Variants in VPS13B observed in about 807,000 individuals in gnomAD.
The protein encoded by VPS13B is intermembrane lipid transfer protein VPS13B.
Under a neutral mutation model 426.4 loss-of-function variants are expected in VPS13B, and 285 were observed. That is an observed-to-expected ratio of 0.67 (90% confidence interval 0.61 to 0.74). The LOEUF (loss-of-function observed/expected upper bound fraction) is 0.74. VPS13B is among the 30% of genes least tolerant of loss of function. VPS13B has a pLI of 0.00. For synonymous variants in VPS13B, 1,676 were observed against 1,676.4 expected, an observed-to-expected ratio of 1.00 and a Z score of 0.01; for missense variants, 4,537 against 4,782.6, an observed-to-expected ratio of 0.95 and a Z score of 1.51.
At chr8:99,078,138 G>A (rs944048985) in intron 3 of VPS13B, among the ~76,000 whole-genome samples, 9 of 151,396 alleles carry the variant, frequency 5.9e-5, no homozygotes, top group Non-Finnish European at 7.4e-5. Context: ...GAGGCTCTTC[G>A]TTATCATTTC....
intron 3 of VPS13B, among the ~76,000 whole-genome samples, chr8:99,078,255 T>C (rs1299633131): frequency 1.3e-5 from 2 of 151,610 alleles, no homozygotes; most frequent in Admixed American, 1.3e-4. Context: ...TTTATGTTGA[T>C]ATTTGTGCAT....
At chr8:99,208,990 A>G (rs1814903449) in intron 17 of VPS13B, among the ~76,000 whole-genome samples, 1 of 152,172 alleles carries the variant, frequency 6.6e-6, no homozygotes, top group African/African-American at 2.4e-5. Context: ...ATTTTTTAAG[A>G]AATAATGCGA....
At chr8:99,700,996 C>T (rs1487321238) in intron 36 of VPS13B, among the ~76,000 whole-genome samples, 1 of 152,156 alleles carries the variant, frequency 6.6e-6, no homozygotes, top group Non-Finnish European at 1.5e-5. Context: ...AATTAAATTG[C>T]AGCTGTAGAC....
chr8:99,364,499 C>T (rs1157694558), intron 19 of VPS13B, among the ~76,000 whole-genome samples: 1 of 152,130 alleles, frequency 6.6e-6, no homozygotes, highest in African/African-American at 2.4e-5. Flanking sequence ...GTGACATGCT[C>T]ATGGCTCACT....
chr8:99,784,362 C>G lies in VPS13B; in HGVS notation c.7827C>G (p.Ile2609Met), dbSNP rs1812158194. ...AGTTGGTCTTCAGCCATTTTGTGAT[C>G]TGTAATGACACACAGGAGACACTGC... ...VEELVFSHFV[I>M]CNDTQETLRF... The change falls in exon 43 of 62, where the codon ATC becomes ATG. Residue 2609 changes from isoleucine (I) to methionine (M), a missense_variant. Physicochemically the swap from Ile to Met is conservative, Grantham distance 10 (BLOSUM62 1). This residue lies in a region of VPS13B where 4,311 missense variants were observed against 4,474.3 expected (regional missense o/e 0.96). Coordinates refer to ENST00000357162, the MANE Select transcript of VPS13B (RefSeq NM_152564.5). 3 of 1,613,720 alleles carry G rather than the reference C, an allele frequency of 1.9e-6. No individual in the cohort carries two copies. Among genetic ancestry groups the G allele is most frequent in the Non-Finnish European group, 1.7e-6 (2 of 1,179,690 alleles).
chr8:99,844,437 G>T (rs182697327), intron 54 of VPS13B, among the ~76,000 whole-genome samples: 1 of 149,476 alleles, frequency 6.7e-6, no homozygotes, highest in African/African-American at 2.5e-5. Flanking sequence ...GCCCGGTCTC[G>T]GCTCACTGCA....
In VPS13B at chr8:99,111,264, G is replaced by A; in HGVS notation, c.747G>A (p.Met249Ile). 6.2e-7 allele frequency: 1 copy of A among 1,601,144 alleles called. No homozygotes were observed. Among genetic ancestry groups the A allele is most frequent in the Non-Finnish European group, 8.5e-7 (1 of 1,174,920 alleles). The change falls in exon 6 of 62, where the codon ATG becomes ATA. Residue 249 changes from methionine (M) to isoleucine (I), a missense_variant. Around this residue, in one of 2 missense-constraint regions of VPS13B, gnomAD observed 226 missense variants for 308.3 expected, o/e 0.73. Coordinates refer to ENST00000357162, the MANE Select transcript of VPS13B (RefSeq NM_152564.5). ...CATATGAAAACCTAAATTCCAAGAT[G>A]CCATCTGTTATTAAAGTAGGTATCT... ...HFTYENLNSK[M>I]PSVIKIHTLV...
chr8:99,337,528 AG>A (rs1206824766), intron 19 of VPS13B, among the ~76,000 whole-genome samples: 1 of 151,804 alleles, frequency 6.6e-6, no homozygotes, highest in Non-Finnish European at 1.5e-5. Context: ...AAGATTCCTA[AG>A]GGGAAAAAAA....
At chr8:99,359,131 T>A (rs1319104653) in intron 19 of VPS13B, among the ~76,000 whole-genome samples, 1 of 152,172 alleles carries the variant, frequency 6.6e-6, no homozygotes, top group Admixed American at 6.5e-5. Context: ...TTGATGAATT[T>A]TTTCTTGTTT....
chr8:99,304,495 T>C (rs916713097), intron 19 of VPS13B, among the ~76,000 whole-genome samples: 10 of 152,090 alleles, frequency 6.6e-5, no homozygotes, highest in African/African-American at 2.4e-4. Context: ...TGCCAGTCAA[T>C]TCTGTAAAGA....
chr8:99,703,932 A>G (rs963643697), intron 36 of VPS13B, among the ~76,000 whole-genome samples: 5 of 152,172 alleles, frequency 3.3e-5, no homozygotes, highest in African/African-American at 1.2e-4. Context: ...GGCAGCCTCC[A>G]TATATGTAGA....
chr8:99,315,711 G>C (rs1411940571), intron 19 of VPS13B, among the ~76,000 whole-genome samples: 2 of 151,130 alleles, frequency 1.3e-5, no homozygotes, highest in Non-Finnish European at 2.9e-5. Flanking sequence ...ATCTCTGTTA[G>C]CTGCAAGCTC....
chr8:99,592,451 G>T (rs1447779703), intron 33 of VPS13B, among the ~76,000 whole-genome samples: 1 of 152,002 alleles, frequency 6.6e-6, no homozygotes, highest in East Asian at 1.9e-4. Context: ...CATCTTTGTG[G>T]TTTTATCTAC....
chr8:99,315,018 A>T (rs1360661978), intron 19 of VPS13B, among the ~76,000 whole-genome samples: 1 of 152,030 alleles, frequency 6.6e-6, no homozygotes, highest in Non-Finnish European at 1.5e-5. Flanking sequence ...AGGTGAGATG[A>T]GTTTCTTGTC....
At chr8:99,161,855 C>T (rs1811676123) in intron 15 of VPS13B, among the ~76,000 whole-genome samples, 6 of 151,546 alleles carry the variant, frequency 4.0e-5, no homozygotes, top group Admixed American at 4.0e-4. Flanking sequence ...GCCTCAGCCT[C>T]CCGAGTAGCT....
intron 19 of VPS13B, among the ~76,000 whole-genome samples, chr8:99,322,668 G>C (rs1291174688): frequency 6.6e-6 from 1 of 152,116 alleles, no homozygotes; most frequent in Non-Finnish European, 1.5e-5. Context: ...CCTGGAGATG[G>C]GAAGTATAAA....
rs1425284930 is a variant in VPS13B at position 99,568,297 on chromosome 8, TTA to T, written c.4950-7359_4950-7358del. ...ATAACTATTATTATTATTATTATTATTATTTTTTTTTGAGACGGAGTCTTGCT... is the reference window on the plus strand; with the variant it reads ...ATAACTATTATTATTATTATTATTATTTTTTTTTTGAGACGGAGTCTTGCT... On this transcript the variant is annotated intron_variant, in intron 31 of 61. Coordinates refer to ENST00000357162, the MANE Select transcript of VPS13B (RefSeq NM_152564.5). Among the ~76,000 whole-genome samples, 326 of 138,972 alleles carry T rather than the reference TTA, an allele frequency of 2.3e-3. 1 individual carries two copies. Among genetic ancestry groups the T allele is most frequent in the African/African-American group, 7.4e-3 (260 of 35,038 alleles). The allele number at this position is 138,972 out of a possible 152,430, so 91.2% of individuals were successfully genotyped here. A position where few individuals can be genotyped will look rare whatever the true frequency, so the allele number is the denominator to read the frequency against.
At chr8:99,186,846 C>T (rs1160643464) in intron 16 of VPS13B, among the ~76,000 whole-genome samples, 2 of 152,090 alleles carry the variant, frequency 1.3e-5, no homozygotes, top group Admixed American at 6.5e-5. Context: ...TTGGGCATTA[C>T]TAAAATGTAC....
intron 19 of VPS13B, among the ~76,000 whole-genome samples, chr8:99,353,621 A>G (rs1338411235): frequency 1.3e-5 from 2 of 151,964 alleles, no homozygotes; most frequent in Non-Finnish European, 2.9e-5. Context: ...AAAAAAAACA[A>G]CAGAATACCC....
Sources: allele counts gnomAD v4.1 joint callset (sites outside exome capture counted in the v4.1 genomes callset), GRCh38; gene constraint gnomAD v4.1.1; regional missense constraint gnomAD v4.1.1; transcripts MANE v1.5; gene names NCBI Gene and HGNC (gene_info 2026-07-23, HGNC 2026-07-21).